CERKL: variants seen among roughly 807,000 people sequenced by gnomAD.
CERKL encodes the protein CERK like autophagy regulator, also known as ceramide kinase-like protein.
Under a neutral mutation model 63.4 loss-of-function variants are expected in CERKL, and 61 were observed. That is an observed-to-expected ratio of 0.96 (90% CI 0.78 to 1.19). The LOEUF is 1.19. Ranked by LOEUF, CERKL falls within the 50% of genes most tolerant of loss-of-function variation. The pLI, the probability that CERKL is intolerant of heterozygous loss-of-function variation, is 0.00. For synonymous variants in CERKL, 250 were observed against 230.5 expected (o/e 1.08, Z -0.77); for missense variants, 675 against 655.5 (o/e 1.03, Z -0.33).
At chr2:181,541,525 G>A (rs368587183) in intron 11 of CERKL, among the ~76,000 whole-genome samples, 1 of 152,342 alleles carries the variant, frequency 6.6e-6, no homozygotes, top group East Asian at 1.9e-4. Context: ...ACGTGTTCCA[G>A]ACTGAGGATA....
intron 1 of CERKL, among the ~76,000 whole-genome samples, chr2:181,628,099 TA>T (rs11322283): frequency 0.74 from 111,915 of 151,920 alleles, 42,532 homozygotes; most frequent in East Asian, 0.94. Flanking sequence ...TTTTTTGTGT[TA>T]AAAAAAAATT....
At chr2:181,605,647 T>C (rs1559101346) in intron 1 of CERKL, among the ~76,000 whole-genome samples, 1 of 152,000 alleles carries the variant, frequency 6.6e-6, no homozygotes, top group Non-Finnish European at 1.5e-5. Flanking sequence ...AAAAAAATAT[T>C]TACAGGAATA....
At chr2:181,541,298 A>G (rs1050480809) in intron 11 of CERKL, among the ~76,000 whole-genome samples, 1 of 152,180 alleles carries the variant, frequency 6.6e-6, no homozygotes, top group Non-Finnish European at 1.5e-5. Context: ...CAGAGAGAGA[A>G]GACTCAGGAC....
Position 181,538,293 on chromosome 2 carries a change from A to G in CERKL, c.1539-49T>C, listed in dbSNP as rs368088937. The G allele has an allele frequency of 5.6e-6, 6 of 1,073,014 alleles. No individual in the cohort carries two copies. In the Admixed American group the frequency reaches 1.0e-4, roughly 19 times the overall value. The allele number at this position is 1,073,014 out of a possible 1,614,324, so 66.5% of individuals were successfully genotyped here. On this transcript the variant is annotated intron_variant, in intron 12 of 12. Transcript: ENST00000410087. ...ATCAACTTATTTTGTTGTTTTTCAC[A>G]TACACCTAATAAGTATGGTACACAA...
chr2:181,644,743 G>A (rs1009364362), intron 1 of CERKL, among the ~76,000 whole-genome samples: 3 of 152,118 alleles, frequency 2.0e-5, no homozygotes, highest in Non-Finnish European at 4.4e-5. Flanking sequence ...CTCAGTATAG[G>A]AGATCCAATT....
rs951892593 is a variant in CERKL at position 181,558,333 on chromosome 2, C to A, written c.820+233G>T. 2.6e-5 allele frequency among the ~76,000 whole-genome samples: 4 copies of A among 151,996 alleles called. No individual in the cohort carries two copies. The highest frequency in any genetic ancestry group is 9.7e-5 in the African/African-American group (4 of 41,368). On this transcript the variant is annotated intron_variant, in intron 5 of 12. Transcript: ENST00000410087. The surrounding 1 kb of genome is among the most constrained non-coding windows in gnomAD (Gnocchi z 4.2). ...AAACCAAACGTTAGTACTACAATAA[C>A]CTTGTAATAAAGTGAATAATATATC... is the stretch of plus-strand genomic sequence containing the variant.
chr2:181,641,279 G>A, intron 1 of CERKL, among the ~76,000 whole-genome samples: 1 of 141,216 alleles, frequency 7.1e-6, no homozygotes, highest in South Asian at 2.2e-4. Flanking sequence ...ATATATGTGT[G>A]TATATATGTA....
At chr2:181,592,563 A>T (rs1450557080) in intron 2 of CERKL, among the ~76,000 whole-genome samples, 1 of 152,196 alleles carries the variant, frequency 6.6e-6, no homozygotes, top group Non-Finnish European at 1.5e-5. Flanking sequence ...TGAATGGCAT[A>T]TCAAAGACAG....
intron 2 of CERKL, among the ~76,000 whole-genome samples, chr2:181,584,449 C>T (rs189637490): frequency 2.2e-4 from 34 of 151,996 alleles, no homozygotes; most frequent in African/African-American, 8.0e-4. Flanking sequence ...GAGTCTGAGG[C>T]TTCCATGAGC....
chr2:181,536,718 A>AGGTTCTATTTTAAATGACTT lies in CERKL; in HGVS notation c.*1446_*1465dup, dbSNP rs1687123549. The stretch of plus-strand genomic sequence containing the variant: ...TTTTATAGTTTGTTCATACTATATG[A>AGGTTCTATTTTAAATGACTT]GGTTCTATTTTAAATGACTTTCTGG... On this transcript the variant is annotated 3_prime_UTR_variant, in exon 13 of 13. Transcript: ENST00000410087. 1 of 236,486 alleles carries AGGTTCTATTTTAAATGACTT rather than the reference A, an allele frequency of 4.2e-6. No individual in the cohort carries two copies. The highest frequency in any genetic ancestry group is 8.5e-6 in the Non-Finnish European group (1 of 117,204). 14.6% of individuals were successfully genotyped at this position (236,486 alleles called of 1,614,324 possible).
chr2:181,561,193 G>A (rs905406800), intron 4 of CERKL, among the ~76,000 whole-genome samples: 10 of 152,198 alleles, frequency 6.6e-5, no homozygotes, highest in East Asian at 3.9e-4. Context: ...GGTGGATCAC[G>A]AGGTCAGGAG....
intron 10 of CERKL, among the ~76,000 whole-genome samples, chr2:181,546,969 T>C (rs1297941522): frequency 6.6e-6 from 1 of 152,102 alleles, no homozygotes; most frequent in African/African-American, 2.4e-5. Flanking sequence ...AACTGAATCA[T>C]GGGGGTGGGT....
In CERKL at chr2:181,547,478, T is replaced by C. The variant is rs965615464; in HGVS notation, c.1268+140A>G. The C allele has an allele frequency of 6.2e-5, 44 of 712,054 alleles. No homozygotes were observed. In the African/African-American group the frequency reaches 7.4e-4, roughly 12 times the overall value. 44.1% of individuals were successfully genotyped at this position (712,054 alleles called of 1,614,324 possible). A position where few individuals can be genotyped will look rare whatever the true frequency, so the allele number is the denominator to read the frequency against. On this transcript the variant is annotated intron_variant, in intron 10 of 12. Transcript: ENST00000410087. ...AACAGTTGTTCTCAACCTACTGTGA[T>C]GACAAATCCCTTAGAATCTCTAATA... is the stretch of plus-strand genomic sequence containing the variant.
intron 1 of CERKL, among the ~76,000 whole-genome samples, chr2:181,613,393 C>T (rs1451113995): frequency 6.6e-6 from 1 of 152,128 alleles, no homozygotes; most frequent in African/African-American, 2.4e-5. Context: ...CAAGGAGATG[C>T]GAGGTTAGAC....
chr2:181,551,201 C>T (rs915252671), intron 5 of CERKL, among the ~76,000 whole-genome samples: 3 of 152,064 alleles, frequency 2.0e-5, no homozygotes, highest in Non-Finnish European at 4.4e-5. Flanking sequence ...ATTTAGGAAA[C>T]CCTAAAGGCT....
intron 1 of CERKL, among the ~76,000 whole-genome samples, chr2:181,645,829 A>AT (rs1316830358): frequency 2.0e-5 from 3 of 152,080 alleles, no homozygotes; most frequent in Admixed American, 6.6e-5. Flanking sequence ...TAAATGTGCC[A>AT]TTTTTTTTCC....
At chr2:181,651,188 T>C (rs1019330722) in intron 1 of CERKL, among the ~76,000 whole-genome samples, 2 of 152,154 alleles carry the variant, frequency 1.3e-5, no homozygotes, top group African/African-American at 4.8e-5. Context: ...GAGTCAAGCA[T>C]CACCCTAATT....
intron 2 of CERKL, among the ~76,000 whole-genome samples, chr2:181,580,506 C>T (rs1332604428): frequency 6.6e-6 from 1 of 152,056 alleles, no homozygotes; most frequent in Non-Finnish European, 1.5e-5. Flanking sequence ...TCATTTTCTT[C>T]AGCAGTCTAC....
At chr2:181,607,891 T>G (rs1389749693) in intron 1 of CERKL, among the ~76,000 whole-genome samples, 1 of 152,214 alleles carries the variant, frequency 6.6e-6, no homozygotes, top group Non-Finnish European at 1.5e-5. Context: ...ATAGATAAGA[T>G]GTATCTCTTA....
Sources: gnomAD v4.1 joint callset for allele counts (sites outside exome capture counted in the v4.1 genomes callset) on GRCh38, gnomAD v4.1.1 for gene constraint, Gnocchi (gnomAD v3.1) non-coding constraint, MANE v1.5 for transcripts, NCBI Gene and HGNC (gene_info 2026-07-23, HGNC 2026-07-21) for gene names.